Variants in MYO16 observed in about 807,000 individuals in gnomAD.
MYO16 encodes the protein myosin XVI, also known as unconventional myosin-XVI.
A neutral mutation model predicts 205.3 loss-of-function variants in MYO16; 94 were observed. The ratio of observed to expected loss-of-function variants is 0.46; its 90% CI spans 0.39 to 0.54. The LOEUF (loss-of-function observed/expected upper bound fraction) is 0.54. Ranked by LOEUF, MYO16 falls within the 20% of genes least tolerant of loss-of-function variation. The probability of loss-of-function intolerance (pLI) is 0.00; values close to 1 mark genes in which losing one functional copy is unlikely to be tolerated. For synonymous variants in MYO16, 988 were observed against 954.0 expected (o/e 1.04, Z -0.66); for missense variants, 2,315 against 2,387.5 (o/e 0.97, Z 0.63).
At chr13:108,547,141 G>T in the MYO16 span, among the ~76,000 whole-genome samples, 1 of 151,652 alleles carries the variant, frequency 6.6e-6, no homozygotes, top group Admixed American at 6.6e-5. Flanking sequence ...GCATCATGGC[G>T]GGCACCTGTA....
chr13:108,615,565 T>C (rs535977191), intron 1 of MYO16, among the ~76,000 whole-genome samples: 1 of 152,236 alleles, frequency 6.6e-6, no homozygotes, highest in Non-Finnish European at 1.5e-5. Context: ...GTCCATCTAC[T>C]GAAAGAAACA....
At chr13:108,637,536 A>G (rs1168037576) in intron 1 of MYO16, among the ~76,000 whole-genome samples, 2 of 152,214 alleles carry the variant, frequency 1.3e-5, no homozygotes, top group African/African-American at 4.8e-5. Context: ...TTCAAGAAAT[A>G]TTATTTAACT....
the MYO16 span, among the ~76,000 whole-genome samples, chr13:108,559,683 G>T: frequency 6.6e-6 from 1 of 151,458 alleles, no homozygotes; most frequent in Non-Finnish European, 1.5e-5. Context: ...CGTCAGCCCG[G>T]ATGGTCTCGA....
chr13:109,153,399 A>ATATAGG (rs1483632457), intron 32 of MYO16, among the ~76,000 whole-genome samples: 1 of 22,456 alleles, frequency 4.5e-5, no homozygotes, highest in African/African-American at 1.2e-4. Flanking sequence ...AGCTATAGAT[A>ATATAGG]TATAGATATA....
intron 6 of MYO16, among the ~76,000 whole-genome samples, chr13:108,804,477 T>A (rs77656972): frequency 0.01 from 1,596 of 152,296 alleles, 30 homozygotes; most frequent in African/African-American, 0.037. Flanking sequence ...AGTAGGAGTA[T>A]AAATTCCATT....
Position 108,920,412 on chromosome 13 carries a change from C to A in MYO16, c.1925+10262C>A, listed in dbSNP as rs1396428172. ...TCTCCTTCCTTCCTTCCTTCTCTCT[C>A]TCTTTCTTTCTTTCCTTCCCTGTCA... On this transcript the variant is annotated intron_variant, in intron 16 of 34. Coordinates refer to ENST00000457511, the MANE Select transcript of MYO16 (RefSeq NM_001198950.3). Among the ~76,000 whole-genome samples, 5 of 150,080 alleles carry A rather than the reference C, an allele frequency of 3.3e-5. No homozygotes were observed. The East Asian group carries it at 9.8e-4, about 29-fold the overall frequency.
intron 2 of MYO16, among the ~76,000 whole-genome samples, chr13:108,686,143 C>T (rs1882666827): frequency 6.6e-6 from 1 of 152,154 alleles, no homozygotes; most frequent in Non-Finnish European, 1.5e-5. Context: ...CTCATCCAGG[C>T]AGAGTTGGCT....
intron 20 of MYO16, among the ~76,000 whole-genome samples, chr13:108,988,520 A>G (rs1243106746): frequency 6.6e-6 from 1 of 152,082 alleles, no homozygotes; most frequent in Non-Finnish European, 1.5e-5. Flanking sequence ...TACCCTTCCA[A>G]TCAAATGTAT....
the MYO16 span, among the ~76,000 whole-genome samples, chr13:108,496,537 A>G: frequency 5.7e-4 from 87 of 152,224 alleles, no homozygotes; most frequent in Non-Finnish European, 9.7e-4. Context: ...GTGAGGGACC[A>G]GTCTCACCCG....
chr13:108,817,460 C>T (rs1054568852), intron 7 of MYO16, among the ~76,000 whole-genome samples: 1 of 152,112 alleles, frequency 6.6e-6, no homozygotes, highest in Non-Finnish European at 1.5e-5. Flanking sequence ...ATAGACAAAA[C>T]TAATCTGGGG....
rs545596849 is a variant in MYO16 at position 109,064,236 on chromosome 13, C to G, written c.3335+8641C>G. 4.6e-5 allele frequency among the ~76,000 whole-genome samples: 7 copies of G among 152,316 alleles called. No homozygotes were observed. In the South Asian group the frequency reaches 1.5e-3, roughly 32 times the overall value. ...TAGCATGCAAAGCCTAAAATATTTA[C>G]TCTCTGGCCCTTTACAGGAAAAGTT... On this transcript the variant is annotated intron_variant, in intron 27 of 34. Transcript: ENST00000457511.
chr13:108,693,776 G>A (rs1882987662), intron 2 of MYO16, among the ~76,000 whole-genome samples: 1 of 152,104 alleles, frequency 6.6e-6, no homozygotes, highest in Non-Finnish European at 1.5e-5. Context: ...CTCATGTCAT[G>A]GGAGTTTGTT....
At chr13:108,839,670 C>A (rs1414577466) in intron 9 of MYO16, among the ~76,000 whole-genome samples, 2 of 152,188 alleles carry the variant, frequency 1.3e-5, no homozygotes, top group African/African-American at 2.4e-5. Flanking sequence ...TCTCCTGTAA[C>A]AGCACTTTCT....
chr13:109,153,638 A>T (rs570428790), intron 32 of MYO16, among the ~76,000 whole-genome samples: 7 of 152,130 alleles, frequency 4.6e-5, no homozygotes, highest in Non-Finnish European at 1.0e-4. Flanking sequence ...GTGGGCCTGT[A>T]GTCCCAGCTA....
At chr13:108,537,524 A>T in the MYO16 span, among the ~76,000 whole-genome samples, 2 of 152,268 alleles carry the variant, frequency 1.3e-5, no homozygotes, top group South Asian at 4.1e-4. Flanking sequence ...CAATAGAAGG[A>T]TTACTGGGTT....
intron 14 of MYO16, among the ~76,000 whole-genome samples, chr13:108,895,282 A>G (rs1880360405): frequency 6.6e-6 from 1 of 152,128 alleles, no homozygotes; most frequent in African/African-American, 2.4e-5. Flanking sequence ...CTTCATTTAT[A>G]TTTTTATTTA....
intron 7 of MYO16, among the ~76,000 whole-genome samples, chr13:108,808,300 C>CTT (rs11464211): frequency 7.3e-4 from 105 of 144,642 alleles, no homozygotes; most frequent in Middle Eastern, 3.5e-3. Context: ...TTCTTCTTTG[C>CTT]TTTTTTTTTT....
At chr13:109,176,534 G>T (rs1879185974) in intron 33 of MYO16, among the ~76,000 whole-genome samples, 1 of 121,114 alleles carries the variant, frequency 8.3e-6, no homozygotes, top group Non-Finnish European at 1.6e-5. Context: ...GCCTTAAAAA[G>T]GTACTGCTTC....
At chr13:108,699,414 T>C (rs547305301) in intron 2 of MYO16, among the ~76,000 whole-genome samples, 3 of 152,288 alleles carry the variant, frequency 2.0e-5, no homozygotes, top group Non-Finnish European at 4.4e-5. Flanking sequence ...TGAGTCATTT[T>C]TTGAAACTGT....
Sources: gnomAD v4.1 joint callset for allele counts (sites outside exome capture counted in the v4.1 genomes callset) on GRCh38, gnomAD v4.1.1 for gene constraint, MANE v1.5 for transcripts, NCBI Gene and HGNC (gene_info 2026-07-23, HGNC 2026-07-21) for gene names.